The following GRIN2B variants were observed in gnomAD, a reference collection of about 807,000 sequenced individuals.
The protein encoded by GRIN2B is glutamate ionotropic receptor NMDA type subunit 2B.
GRIN2B carries 5 observed loss-of-function variants against 114.5 expected under a neutral mutation model. The observed-to-expected ratio is 0.04, with a 90% CI of 0.02 to 0.09. The LOEUF is 0.09. GRIN2B is among the 10% of genes least tolerant of loss of function. The probability of loss-of-function intolerance (pLI) is 1.00; values close to 1 mark genes in which losing one functional copy is unlikely to be tolerated. For synonymous variants in GRIN2B, 787 were observed against 745.1 expected, an observed-to-expected ratio of 1.06 and a Z score of -0.92; for missense variants, 1,108 against 1,943.5, an observed-to-expected ratio of 0.57 and a Z score of 8.08.
intron 11 of GRIN2B, among the ~76,000 whole-genome samples, chr12:13,571,155 A>G (rs987519502): frequency 7.2e-5 from 11 of 152,194 alleles, no homozygotes; most frequent in Non-Finnish European, 1.6e-4. Context: ...AAAGAAAATC[A>G]GCTACGAGAC....
intron 2 of GRIN2B, among the ~76,000 whole-genome samples, chr12:13,938,278 T>C (rs1867165747): frequency 6.6e-6 from 1 of 152,020 alleles, no homozygotes; most frequent in African/African-American, 2.4e-5. Context: ...GGGCAGAGAT[T>C]GTCATGCTGA....
At chr12:13,752,526 T>G (rs1311437554) in intron 4 of GRIN2B, among the ~76,000 whole-genome samples, 1 of 152,234 alleles carries the variant, frequency 6.6e-6, no homozygotes, top group Admixed American at 6.5e-5. Context: ...ATTTTTATAA[T>G]GTACTTACAT....
rs780990215 is a variant in GRIN2B, at chr12:13,569,996, A to G, written c.2193T>C (p.Tyr731=). 1.2e-6 allele frequency: 2 copies of G among 1,613,004 alleles called. No individual in the cohort carries two copies. The highest frequency in any genetic ancestry group is 1.7e-6 in the Non-Finnish European group (2 of 1,178,972). ...CCATATAGTTCAGCACTGCTGCATC[A>G]TAGATGAAGGCATCCAGTTTCCTGT... ...LKTGKLDAFI[Y]DAAVLNYMAG... is the part of the protein sequence containing the mutation. Residue 731 remains tyrosine, a synonymous_variant, in exon 12 of 14, where the codon TAT becomes TAC. Coordinates refer to ENST00000609686, the MANE Select transcript of GRIN2B (RefSeq NM_000834.5).
intron 2 of GRIN2B, among the ~76,000 whole-genome samples, chr12:13,875,492 A>C (rs899789220): frequency 1.3e-5 from 2 of 152,130 alleles, no homozygotes; most frequent in Non-Finnish European, 2.9e-5. Flanking sequence ...TCGCCACTGC[A>C]CTCCAGCCTG....
At chr12:13,815,254 T>C (rs754564109) in intron 3 of GRIN2B, among the ~76,000 whole-genome samples, 84 of 152,086 alleles carry the variant, frequency 5.5e-4, no homozygotes, top group Non-Finnish European at 1.1e-3. Context: ...TGCGCAATAC[T>C]CAGGGTACTT....
intron 4 of GRIN2B, among the ~76,000 whole-genome samples, chr12:13,729,382 G>A (rs141555879): frequency 1.5e-3 from 235 of 152,158 alleles, no homozygotes; most frequent in African/African-American, 5.3e-3. Context: ...TCTTCCTTCT[G>A]TCTCTCCCGT....
At chr12:13,622,580 T>TA (rs146484356) in intron 5 of GRIN2B, among the ~76,000 whole-genome samples, 30 of 151,376 alleles carry the variant, frequency 2.0e-4, no homozygotes, top group Admixed American at 3.9e-4. Context: ...TCTGCTACTA[T>TA]AAAAAAAAAC....
At chr12:13,647,526 A>T (rs962858308) in intron 5 of GRIN2B, among the ~76,000 whole-genome samples, 2 of 152,102 alleles carry the variant, frequency 1.3e-5, no homozygotes, top group African/African-American at 4.8e-5. Flanking sequence ...TTTTGAACCC[A>T]TAATGTATAT....
chr12:13,895,700 T>A (rs555186495), intron 2 of GRIN2B, among the ~76,000 whole-genome samples: 1 of 152,348 alleles, frequency 6.6e-6, no homozygotes, highest in African/African-American at 2.4e-5. Context: ...TTGCAATTCT[T>A]GCTTGCTGTG....
chr12:13,960,080 A>G (rs766258965), intron 2 of GRIN2B, among the ~76,000 whole-genome samples: 8 of 152,046 alleles, frequency 5.3e-5, no homozygotes, highest in Non-Finnish European at 1.0e-4. Context: ...GGGCTGTCTC[A>G]TGCATCCTAG....
chr12:13,665,805 T>G (rs542540480), intron 5 of GRIN2B, among the ~76,000 whole-genome samples: 1 of 152,208 alleles, frequency 6.6e-6, no homozygotes, highest in East Asian at 1.9e-4. Context: ...CAGGCTAGAC[T>G]GTCTGATCAT....
At chr12:13,943,726 AC>A (rs1867308081) in intron 2 of GRIN2B, among the ~76,000 whole-genome samples, 1 of 152,038 alleles carries the variant, frequency 6.6e-6, no homozygotes, top group Non-Finnish European at 1.5e-5. Context: ...GCTCAATGTC[AC>A]CTTATCCAAA....
chr12:13,558,514 AG>A lies in GRIN2B; in HGVS notation c.*4268del, dbSNP rs1236446314. 6.6e-6 allele frequency: 1 copy of A among 151,780 alleles called. No individual in the cohort carries two copies. Among genetic ancestry groups the A allele is most frequent in the African/African-American group, 2.4e-5 (1 of 41,326 alleles). 9.4% of individuals were successfully genotyped at this position (151,780 alleles called of 1,614,324 possible). On this transcript the variant is annotated 3_prime_UTR_variant, in exon 14 of 14. Transcript: ENST00000609686. ...AATGAACCAAAGAAACCTAGTTCTT[AG>A]TGACATGTGCAGGTGACCAGCACTC...
intron 5 of GRIN2B, among the ~76,000 whole-genome samples, chr12:13,633,305 C>T (rs190054285): frequency 3.3e-5 from 5 of 152,342 alleles, no homozygotes; most frequent in Admixed American, 2.6e-4. Flanking sequence ...ACTGAATTGG[C>T]AACTGTGGGC....
intron 2 of GRIN2B, among the ~76,000 whole-genome samples, chr12:13,901,137 T>G (rs1020645599): frequency 6.6e-6 from 1 of 152,056 alleles, no homozygotes; most frequent in Non-Finnish European, 1.5e-5. Flanking sequence ...CTCACCAACA[T>G]TCAGTATTGC....
chr12:13,605,737 C>A (rs183093675), intron 10 of GRIN2B, among the ~76,000 whole-genome samples: 63 of 152,252 alleles, frequency 4.1e-4, no homozygotes, highest in Non-Finnish European at 6.9e-4. Flanking sequence ...CTATCTTCCT[C>A]CATCTCAGTT....
At chr12:13,950,096 C>G (rs1244505246) in intron 2 of GRIN2B, among the ~76,000 whole-genome samples, 1 of 152,124 alleles carries the variant, frequency 6.6e-6, no homozygotes, top group African/African-American at 2.4e-5. Context: ...AGATATTGAT[C>G]AATTTGCTAT....
chr12:13,902,772 T>G (rs1434728862), intron 2 of GRIN2B, among the ~76,000 whole-genome samples: 2 of 152,144 alleles, frequency 1.3e-5, no homozygotes. Context: ...GATCAGCCAT[T>G]GCACTCCAAC....
At chr12:13,701,667 G>A (rs924232430) in intron 4 of GRIN2B, among the ~76,000 whole-genome samples, 8 of 152,138 alleles carry the variant, frequency 5.3e-5, no homozygotes, top group African/African-American at 1.9e-4. Flanking sequence ...AGATCACAAT[G>A]GAAGGTTTTG....
Sources: gnomAD v4.1 joint callset for allele counts (sites outside exome capture counted in the v4.1 genomes callset) on GRCh38, gnomAD v4.1.1 for gene constraint, MANE v1.5 for transcripts, NCBI Gene and HGNC (gene_info 2026-07-23, HGNC 2026-07-21) for gene names.